The following AGBL4 variants were observed in gnomAD, a reference collection of about 807,000 sequenced individuals.
AGBL4 encodes cytosolic carboxypeptidase 6.
In AGBL4, 58 loss-of-function variants were observed where a neutral mutation model predicts 66.4. The ratio of observed to expected loss-of-function variants is 0.87; its 90% CI spans 0.71 to 1.09. The LOEUF is 1.09. Ranked by LOEUF, AGBL4 falls within the 50% of genes least tolerant of loss-of-function variation. AGBL4 has a pLI of 0.00. For synonymous variants in AGBL4, 234 were observed against 222.9 expected, an observed-to-expected ratio of 1.05 and a Z score of -0.44; for missense variants, 579 against 631.0, an observed-to-expected ratio of 0.92 and a Z score of 0.88.
intron 3 of AGBL4, among the ~76,000 whole-genome samples, chr1:49,493,883 A>T (rs559522048): frequency 6.6e-6 from 1 of 152,134 alleles, no homozygotes; most frequent in South Asian, 2.1e-4. Context: ...TTTTTTAAAG[A>T]TCCAAGGAAA....
chr1:49,892,450 C>CACTA (rs1398995327), intron 1 of AGBL4, among the ~76,000 whole-genome samples: 1 of 152,180 alleles, frequency 6.6e-6, no homozygotes, highest in Non-Finnish European at 1.5e-5. Context: ...AAATTAAGCA[C>CACTA]ATGCAAATTA....
chr1:49,221,574 G>A (rs1339830543), intron 4 of AGBL4, among the ~76,000 whole-genome samples: 1 of 152,154 alleles, frequency 6.6e-6, no homozygotes, highest in African/African-American at 2.4e-5. Context: ...ATATTCCCTT[G>A]CATCGCATTT....
chr1:48,891,719 C>T (rs1650989284), intron 5 of AGBL4, among the ~76,000 whole-genome samples: 1 of 152,140 alleles, frequency 6.6e-6, no homozygotes, highest in African/African-American at 2.4e-5. Context: ...AAAGCATTTC[C>T]TAGTACAGGC....
intron 3 of AGBL4, among the ~76,000 whole-genome samples, chr1:49,313,607 G>C (rs914723905): frequency 6.6e-6 from 1 of 152,060 alleles, no homozygotes; most frequent in Non-Finnish European, 1.5e-5. Flanking sequence ...GTTTTGATTT[G>C]CATTTCTCTA....
chr1:49,259,175 G>A (rs1461246924), intron 3 of AGBL4, among the ~76,000 whole-genome samples: 6 of 152,154 alleles, frequency 3.9e-5, no homozygotes, highest in South Asian at 4.2e-4. Context: ...AAGGAAAGGA[G>A]CAACCAGTAC....
At chr1:49,205,505 C>G (rs938998928) in intron 4 of AGBL4, among the ~76,000 whole-genome samples, 3 of 152,030 alleles carry the variant, frequency 2.0e-5, no homozygotes, top group African/African-American at 7.2e-5. Context: ...CATCCTACCC[C>G]TGGACCCTGG....
At chr1:48,789,834 C>T (rs1051628911) in intron 6 of AGBL4, among the ~76,000 whole-genome samples, 1 of 152,136 alleles carries the variant, frequency 6.6e-6, no homozygotes, top group Non-Finnish European at 1.5e-5. Context: ...CACTGTCTTT[C>T]CCAAGCCAAC....
chr1:49,680,120 G>A (rs906885281), intron 3 of AGBL4, among the ~76,000 whole-genome samples: 1 of 130,570 alleles, frequency 7.7e-6, no homozygotes, highest in Non-Finnish European at 1.5e-5. Flanking sequence ...GTGCGCTCTT[G>A]GCTCACTGTA....
At chr1:48,545,315 A>T (rs941968707) in intron 11 of AGBL4, among the ~76,000 whole-genome samples, 1 of 152,006 alleles carries the variant, frequency 6.6e-6, no homozygotes, top group Non-Finnish European at 1.5e-5. Flanking sequence ...TTCTGGGACA[A>T]CTCTCTTTCC....
intron 3 of AGBL4, among the ~76,000 whole-genome samples, chr1:49,301,251 A>G (rs1644739731): frequency 6.6e-6 from 1 of 152,178 alleles, no homozygotes; most frequent in African/African-American, 2.4e-5. Flanking sequence ...TCCAGAGGAA[A>G]AAAGGCAGTT....
intron 6 of AGBL4, among the ~76,000 whole-genome samples, chr1:48,689,399 ACCTACCTTCCTT>A (rs1646590218): frequency 1.2e-4 from 18 of 148,758 alleles, no homozygotes; most frequent in African/African-American, 4.1e-4. Flanking sequence ...CTACCTACCT[ACCTACCTTCCTT>A]CCTTCCTTCC....
At position 49,607,515 on chromosome 1, in the gene AGBL4, T is replaced by C. The variant is rs112725530; in HGVS notation, c.282+89798A>G. ...TTTTCTGCCCTTGGCCACCTGAGCA[T>C]CCTTTACAGTTTTATTGGAGGTTTG... On this transcript the variant is annotated intron_variant, in intron 3 of 13. Transcript: ENST00000371839. Among the ~76,000 whole-genome samples the C allele has an allele frequency of 2.0e-3, 300 of 152,256 alleles. 4 individuals carry two copies. The highest frequency in any genetic ancestry group is 6.8e-3 in the African/African-American group (281 of 41,560).
chr1:48,900,007 A>G (rs1341637505), intron 5 of AGBL4, among the ~76,000 whole-genome samples: 2 of 152,182 alleles, frequency 1.3e-5, no homozygotes, highest in Admixed American at 6.5e-5. Context: ...GATTTCCATG[A>G]GGAGGAAACA....
intron 12 of AGBL4, among the ~76,000 whole-genome samples, chr1:48,535,348 CT>C (rs1183694155): frequency 7.2e-5 from 11 of 152,160 alleles, no homozygotes; most frequent in African/African-American, 2.7e-4. Context: ...CAAAATAAGC[CT>C]CCCCCATCCC....
chr1:48,782,259 G>C (rs1390355036), intron 6 of AGBL4, among the ~76,000 whole-genome samples: 2 of 152,130 alleles, frequency 1.3e-5, no homozygotes, highest in East Asian at 3.8e-4. Flanking sequence ...CATTTTAATG[G>C]AGCAGAAAAT....
intron 3 of AGBL4, among the ~76,000 whole-genome samples, chr1:49,592,761 G>C (rs533184128): frequency 1.8e-4 from 27 of 152,282 alleles, no homozygotes; most frequent in African/African-American, 6.5e-4. Flanking sequence ...AGGTTGTGGA[G>C]AAAGAAAATG....
At chr1:49,437,089 T>C (rs1160677792) in intron 3 of AGBL4, among the ~76,000 whole-genome samples, 1 of 152,142 alleles carries the variant, frequency 6.6e-6, no homozygotes, top group Non-Finnish European at 1.5e-5. Context: ...GGGTTGGGTA[T>C]CAGAGTCTGA....
intron 3 of AGBL4, among the ~76,000 whole-genome samples, chr1:49,682,477 TTCTA>T (rs967172320): frequency 6.6e-6 from 1 of 152,156 alleles, no homozygotes; most frequent in African/African-American, 2.4e-5. Flanking sequence ...TGTAAGAAAG[TTCTA>T]TCTACTATTG....
intron 6 of AGBL4, among the ~76,000 whole-genome samples, chr1:48,860,122 T>C (rs951033772): frequency 3.9e-5 from 6 of 152,238 alleles, no homozygotes; most frequent in African/African-American, 1.4e-4. Context: ...GTAAGGATTT[T>C]ACCTGGACAG....
Sources: allele counts gnomAD v4.1 joint callset (sites outside exome capture counted in the v4.1 genomes callset), GRCh38; gene constraint gnomAD v4.1.1; transcripts MANE v1.5; gene names NCBI Gene and HGNC (gene_info 2026-07-23, HGNC 2026-07-21).